Variants in GCNT1 observed in about 807,000 individuals in gnomAD.
GCNT1 encodes glucosaminyl (N-acetyl) transferase 1.
Under a neutral mutation model 26.2 loss-of-function variants are expected in GCNT1, and 16 were observed. That is an observed-to-expected ratio of 0.61 (90% CI 0.41 to 0.93). The LOEUF is 0.93. Among genes scored for constraint, GCNT1 ranks in the 40% least tolerant of loss-of-function variants. The probability of loss-of-function intolerance (pLI) is 0.00; values close to 1 mark genes in which losing one functional copy is unlikely to be tolerated. For synonymous variants in GCNT1, 183 were observed against 190.8 expected (o/e 0.96, Z 0.34); for missense variants, 477 against 526.7 (o/e 0.91, Z 0.92).
the GCNT1 span, among the ~76,000 whole-genome samples, chr9:76,413,668 G>GTTTTTTTTTTTT: frequency 2.4e-5 from 2 of 84,210 alleles, no homozygotes; most frequent in Non-Finnish European, 5.1e-5. Flanking sequence ...TTTTTTTTTT[G>GTTTTTTTTTTTT]TTTTTTTTTT....
At chr9:76,399,872 A>G in the GCNT1 span, among the ~76,000 whole-genome samples, 37 of 152,360 alleles carry the variant, frequency 2.4e-4, no homozygotes, top group Admixed American at 1.2e-3. Flanking sequence ...TTGTATATCC[A>G]TATAATGCCA....
chr9:76,437,661 T>A (rs139745781), upstream of GCNT1, among the ~76,000 whole-genome samples: 988 of 152,280 alleles, frequency 6.5e-3, 7 homozygotes, highest in Admixed American at 0.012. Context: ...AATTCTTTCT[T>A]TTGTGAGATC....
the GCNT1 span, among the ~76,000 whole-genome samples, chr9:76,400,859 A>G: frequency 1.8e-4 from 27 of 152,326 alleles, no homozygotes; most frequent in Non-Finnish European, 3.1e-4. Context: ...TCATATTTCC[A>G]AGAAAGGGAT....
intron 1 of GCNT1, among the ~76,000 whole-genome samples, chr9:76,450,068 C>T (rs1383464659): frequency 3.3e-5 from 5 of 152,152 alleles, no homozygotes; most frequent in African/African-American, 4.8e-5. Flanking sequence ...CCACTGCGCC[C>T]GGCCCTATTC....
At chr9:76,492,492 G>A (rs1824771733) in intron 2 of GCNT1, among the ~76,000 whole-genome samples, 1 of 151,746 alleles carries the variant, frequency 6.6e-6, no homozygotes, top group Non-Finnish European at 1.5e-5. Flanking sequence ...CCGCACCAGT[G>A]TCCAGGAGGA....
Position 76,503,563 on chromosome 9 carries a change from A to G in GCNT1, c.1182A>G (p.Lys394=), listed in dbSNP as rs774119437. The G allele has an allele frequency of 1.2e-6, 2 of 1,614,164 alleles. No homozygotes were observed. Among genetic ancestry groups the G allele is most frequent in the East Asian group, 2.2e-5 (1 of 44,882 alleles). The change falls in exon 4 of 4, where the codon AAA becomes AAG. Residue 394 remains lysine (K), a synonymous_variant. Coordinates refer to ENST00000376730, the MANE Select transcript of GCNT1 (RefSeq NM_001490.5). ...GAGDLNWMLR[K]HHLFANKFDV... ...GTGACTTGAACTGGATGCTGCGCAA[A>G]CACCACTTGTTTGCCAATAAGTTTG...
At chr9:76,422,203 T>A (rs1390581434) in intron 1 of GCNT1, among the ~76,000 whole-genome samples, 2 of 152,112 alleles carry the variant, frequency 1.3e-5, no homozygotes, top group South Asian at 2.1e-4. Flanking sequence ...TCACGACACA[T>A]GGAGATTATG....
the GCNT1 span, among the ~76,000 whole-genome samples, chr9:76,408,748 C>A: frequency 6.6e-6 from 1 of 152,122 alleles, no homozygotes; most frequent in African/African-American, 2.4e-5. Flanking sequence ...TGTAGAGTGG[C>A]ACAATCTTGG....
At chr9:76,461,011 C>T (rs993646375) in intron 2 of GCNT1, among the ~76,000 whole-genome samples, 3 of 152,242 alleles carry the variant, frequency 2.0e-5, no homozygotes, top group East Asian at 3.9e-4. Context: ...GTAAGAAAAA[C>T]GTTTTTCCCT....
chr9:76,411,697 CTTTTTTT>C, the GCNT1 span, among the ~76,000 whole-genome samples: 16 of 83,650 alleles, frequency 1.9e-4, no homozygotes, highest in Non-Finnish European at 2.6e-4. Context: ...ATCAATTATA[CTTTTTTT>C]TTTTTTTTTT....
At chr9:76,456,662 T>C (rs1041474990), upstream of GCNT1, among the ~76,000 whole-genome samples, 2 of 152,206 alleles carry the variant, frequency 1.3e-5, no homozygotes, top group Non-Finnish European at 2.9e-5. Context: ...TTTATGGGTG[T>C]ATGTTATTGC....
At chr9:76,484,955 AT>A (rs1297657452) in intron 2 of GCNT1, among the ~76,000 whole-genome samples, 1 of 151,682 alleles carries the variant, frequency 6.6e-6, no homozygotes, top group Non-Finnish European at 1.5e-5. Flanking sequence ...CACCCAGCTA[AT>A]TTTTGTATTT....
intron 2 of GCNT1, among the ~76,000 whole-genome samples, chr9:76,467,735 A>G (rs1259712191): frequency 6.6e-6 from 1 of 152,068 alleles, no homozygotes; most frequent in Non-Finnish European, 1.5e-5. Context: ...AATAAGGCTG[A>G]GACCAATTGT....
upstream of GCNT1, among the ~76,000 whole-genome samples, chr9:76,417,881 C>T (rs771205607): frequency 2.6e-5 from 4 of 152,232 alleles, no homozygotes; most frequent in East Asian, 3.9e-4. Flanking sequence ...GGAAAGCGTC[C>T]GTCATCCTGT....
At chr9:76,473,517 T>C (rs1200461403) in intron 2 of GCNT1, among the ~76,000 whole-genome samples, 2 of 152,202 alleles carry the variant, frequency 1.3e-5, no homozygotes, top group East Asian at 3.8e-4. Flanking sequence ...ACATTGCCAA[T>C]ATTAAGGGCT....
rs145431220 is a variant in GCNT1, at chr9:76,478,351, T to C, written c.-290+18174T>C. On this transcript the variant is annotated intron_variant, in intron 2 of 3. Coordinates refer to ENST00000376730, the MANE Select transcript of GCNT1 (RefSeq NM_001490.5). ...AACAAAGAACTCCGGGCATGCCATCTTTAAGAGCTGTAACGCTCACTGCGA... is the reference window on the plus strand; with the variant it reads ...AACAAAGAACTCCGGGCATGCCATCCTTAAGAGCTGTAACGCTCACTGCGA... Among the ~76,000 whole-genome samples, 976 of 152,266 alleles carry C rather than the reference T, an allele frequency of 6.4e-3. 9 individuals are homozygous for C. Among genetic ancestry groups the C allele is most frequent in the African/African-American group, 0.022 (907 of 41,552 alleles).
the GCNT1 span, among the ~76,000 whole-genome samples, chr9:76,411,032 G>T: frequency 6.6e-6 from 1 of 152,100 alleles, no homozygotes; most frequent in South Asian, 2.1e-4. Context: ...ATTAGTGTTA[G>T]CATGGAATAT....
chr9:76,483,044 CAT>C (rs1424959374), intron 2 of GCNT1, among the ~76,000 whole-genome samples: 10 of 152,004 alleles, frequency 6.6e-5, no homozygotes, highest in East Asian at 3.9e-4. Context: ...TGAAATGATA[CAT>C]GTGTCTAATA....
the GCNT1 span, among the ~76,000 whole-genome samples, chr9:76,414,499 T>C: frequency 6.6e-6 from 1 of 152,322 alleles, no homozygotes; most frequent in Middle Eastern, 3.4e-3. Flanking sequence ...AGAATGGCTA[T>C]TCCATAGGCA....
Sources: allele counts gnomAD v4.1 joint callset (sites outside exome capture counted in the v4.1 genomes callset), GRCh38; gene constraint gnomAD v4.1.1; transcripts MANE v1.5; gene names NCBI Gene and HGNC (gene_info 2026-07-23, HGNC 2026-07-21).